The following DACH2 variants were observed in gnomAD, a reference collection of about 807,000 sequenced individuals.
DACH2 encodes the protein dachshund family transcription factor 2.
In DACH2, 17 loss-of-function variants were observed where a neutral mutation model predicts 35.8. The observed-to-expected ratio is 0.48, with a 90% CI of 0.33 to 0.71. The LOEUF is 0.71. DACH2 is among the 30% of genes least tolerant of loss of function. DACH2 has a pLI of 0.02. For missense variants in DACH2, 469 were observed against 472.7 expected, an observed-to-expected ratio of 0.99 and a Z score of 0.07; for synonymous variants, 195 against 177.3, an observed-to-expected ratio of 1.10 and a Z score of -0.79.
At chrX:86,803,002 T>A (rs1482259511) in intron 7 of DACH2, among the ~76,000 whole-genome samples, 1 of 112,396 alleles carries the variant, frequency 8.9e-6, no homozygotes, top group African/African-American at 3.2e-5. Flanking sequence ...TGCAGCCTTT[T>A]ACACAGAGGT....
chrX:86,380,822 T>A lies in DACH2; in HGVS notation c.527+3960T>A, dbSNP rs866091010. ...TGCAATGTTGATTTTTGTGTTTTTTTAATTTTTTGTTTTAAGATGTATCAA... is the reference window on the plus strand; with the variant it reads ...TGCAATGTTGATTTTTGTGTTTTTTAAATTTTTTGTTTTAAGATGTATCAA... On this transcript the variant is annotated intron_variant, in intron 2 of 11. Transcript: ENST00000373125. Among the ~76,000 whole-genome samples, 92 of 110,523 alleles carry A rather than the reference T, an allele frequency of 8.3e-4. 1 individual carries two copies. Among genetic ancestry groups the A allele is most frequent in the Non-Finnish European group, 9.7e-4 (51 of 52,405 alleles).
At chrX:86,213,715 G>C (rs751194204) in intron 1 of DACH2, among the ~76,000 whole-genome samples, 46 of 110,477 alleles carry the variant, frequency 4.2e-4, no homozygotes, top group African/African-American at 1.4e-3. Flanking sequence ...GCCAGGAAGA[G>C]TTCATGACTT....
intron 1 of DACH2, among the ~76,000 whole-genome samples, chrX:86,288,759 C>T (rs951356558): frequency 2.7e-5 from 3 of 111,451 alleles, no homozygotes; most frequent in Non-Finnish European, 5.7e-5. Context: ...AATACTCTGA[C>T]TTTGGACTCA....
intron 1 of DACH2, among the ~76,000 whole-genome samples, chrX:86,326,296 G>T (rs752917753): frequency 1.5e-4 from 16 of 110,063 alleles, no homozygotes; most frequent in Non-Finnish European, 2.5e-4. Context: ...CCAACATGGT[G>T]AAACTCCATC....
At chrX:86,633,478 C>CA (rs889960549) in intron 3 of DACH2, among the ~76,000 whole-genome samples, 1 of 111,301 alleles carries the variant, frequency 9.0e-6, no homozygotes, top group African/African-American at 3.3e-5. Flanking sequence ...GCGACACACA[C>CA]AAAAAAATCC....
At chrX:86,551,406 C>T (rs1197798014) in intron 3 of DACH2, among the ~76,000 whole-genome samples, 1 of 111,821 alleles carries the variant, frequency 8.9e-6, no homozygotes, top group Non-Finnish European at 1.9e-5. Flanking sequence ...CTTTTTGTCC[C>T]ATGGTCTTGA....
chrX:86,731,318 C>T (rs2041530618), intron 6 of DACH2, among the ~76,000 whole-genome samples: 2 of 111,453 alleles, frequency 1.8e-5, no homozygotes, highest in South Asian at 7.5e-4. Flanking sequence ...ACAACTGGCT[C>T]ACAAAATTAA....
chrX:86,713,975 GTTA>G (rs2041307611), intron 5 of DACH2, among the ~76,000 whole-genome samples: 1 of 111,490 alleles, frequency 9.0e-6, no homozygotes, highest in African/African-American at 3.3e-5. Context: ...TGATAGGGGA[GTTA>G]TTATTTATTG....
chrX:86,371,160 T>C (rs545337786), intron 1 of DACH2, among the ~76,000 whole-genome samples: 4 of 110,592 alleles, frequency 3.6e-5, no homozygotes, highest in South Asian at 3.8e-4. Flanking sequence ...TTGAGTTATA[T>C]TGACACTCTA....
chrX:86,722,526 T>A lies in DACH2; in HGVS notation c.1104+7806T>A, dbSNP rs764212258. Among the ~76,000 whole-genome samples the A allele has an allele frequency of 1.7e-3, 183 of 109,407 alleles. 1 individual carries two copies. Among genetic ancestry groups the A allele is most frequent in the African/African-American group, 5.9e-3 (177 of 30,151 alleles). On this transcript the variant is annotated intron_variant, in intron 6 of 11. Coordinates refer to ENST00000373125, the MANE Select transcript of DACH2 (RefSeq NM_053281.3). ...ACCATGCCTGGCTAATGTGTTTTTT[T>A]TTTTATTTTATTTTTTGTAGAGGTA... is the stretch of plus-strand genomic sequence containing the variant.
intron 2 of DACH2, among the ~76,000 whole-genome samples, chrX:86,473,145 T>C (rs2037786694): frequency 9.0e-6 from 1 of 111,632 alleles, no homozygotes; most frequent in Non-Finnish European, 1.9e-5. Flanking sequence ...CAAGCGTTTA[T>C]CCTTTGTGTT....
chrX:86,314,056 T>C (rs2034850532), intron 1 of DACH2, among the ~76,000 whole-genome samples: 1 of 110,724 alleles, frequency 9.0e-6, no homozygotes, highest in African/African-American at 3.3e-5. Context: ...AACGTGTGTG[T>C]TCTCACTGGT....
chrX:86,771,575 T>C (rs1420813747), intron 7 of DACH2, among the ~76,000 whole-genome samples: 3 of 111,910 alleles, frequency 2.7e-5, no homozygotes, highest in African/African-American at 9.7e-5. Context: ...GTTTAATGTC[T>C]CACAAAACTA....
At chrX:86,606,284 T>C (rs761550794) in intron 3 of DACH2, among the ~76,000 whole-genome samples, 2 of 103,224 alleles carry the variant, frequency 1.9e-5, no homozygotes, top group South Asian at 9.8e-4. Context: ...CATTGTTAGA[T>C]TTTTTATTTG....
At chrX:86,371,023 C>A (rs2035879721) in intron 1 of DACH2, among the ~76,000 whole-genome samples, 1 of 110,926 alleles carries the variant, frequency 9.0e-6, no homozygotes, top group Admixed American at 9.7e-5. Context: ...TTTTGATATT[C>A]TTTGTTTTTG....
At chrX:86,478,542 C>G (rs767525002) in intron 2 of DACH2, among the ~76,000 whole-genome samples, 12 of 86,947 alleles carry the variant, frequency 1.4e-4, no homozygotes, top group African/African-American at 2.9e-4. Context: ...TTTTGTTTTT[C>G]TTTTTTTTTT....
chrX:86,827,329 A>T (rs372261379), intron 11 of DACH2, among the ~76,000 whole-genome samples: 1 of 111,720 alleles, frequency 9.0e-6, no homozygotes, highest in East Asian at 2.8e-4. Flanking sequence ...GTGGAGGAAA[A>T]AACAATTCCT....
chrX:86,741,375 G>T (rs1337780984), intron 7 of DACH2, among the ~76,000 whole-genome samples: 8 of 111,433 alleles, frequency 7.2e-5, no homozygotes, highest in Admixed American at 3.8e-4. Flanking sequence ...TACTAATATG[G>T]ATGCTGAGGC....
intron 1 of DACH2, among the ~76,000 whole-genome samples, chrX:86,293,292 C>G (rs994995934): frequency 3.6e-5 from 4 of 110,624 alleles, no homozygotes; most frequent in African/African-American, 6.6e-5. Context: ...AGATCCTCCT[C>G]CATCCTTTTA....
Sources: allele counts gnomAD v4.1 joint callset (sites outside exome capture counted in the v4.1 genomes callset), GRCh38; gene constraint gnomAD v4.1.1; transcripts MANE v1.5; gene names NCBI Gene and HGNC (gene_info 2026-07-23, HGNC 2026-07-21).